Variants in TTC8 observed in about 807,000 individuals in gnomAD.
TTC8 encodes tetratricopeptide repeat protein 8.
TTC8 carries 47 observed loss-of-function variants against 72.5 expected under a neutral mutation model. That is an observed-to-expected ratio of 0.65 (90% CI 0.51 to 0.83). The LOEUF (loss-of-function observed/expected upper bound fraction) is 0.83, where lower values mean the gene tolerates loss of function less well. TTC8 is among the 40% of genes least tolerant of loss of function. The probability of loss-of-function intolerance (pLI) is 0.00; values close to 1 mark genes in which losing one functional copy is unlikely to be tolerated. For synonymous variants in TTC8, 199 were observed against 221.4 expected (o/e 0.90, Z 0.90); for missense variants, 611 against 623.2 (o/e 0.98, Z 0.21).
chr14:88,835,209 C>T (rs1158202433), intron 2 of TTC8, among the ~76,000 whole-genome samples: 1 of 152,190 alleles, frequency 6.6e-6, no homozygotes, highest in East Asian at 1.9e-4. Context: ...AAAATTGTTT[C>T]TTACATGCTT....
At chr14:88,869,994 C>T in intron 10 of TTC8, 65 bp from the exon 11 acceptor site, 2 of 1,550,526 alleles carry the variant, frequency 1.3e-6, no homozygotes, top group Non-Finnish European at 1.8e-6. Context: ...TTAAATCAGT[C>T]AGAAAAAAAT....
At chr14:88,880,314 C>T (rs1213161825), downstream of TTC8, 6 of 152,106 alleles carry the variant, frequency 3.9e-5, no homozygotes, top group African/African-American at 1.4e-4. Context: ...AGATGGCATT[C>T]GTCCTATTTT....
intron 11 of TTC8, 79 bp downstream of exon 11, chr14:88,870,277 T>G: frequency 6.6e-7 from 1 of 1,504,426 alleles, no homozygotes; most frequent in Admixed American, 1.7e-5. Context: ...AATGAAAGTA[T>G]AGAGAAATAA....
chr14:88,855,316 G>T (rs186172223), intron 8 of TTC8, among the ~76,000 whole-genome samples: 2 of 152,114 alleles, frequency 1.3e-5, no homozygotes, highest in Non-Finnish European at 1.5e-5. Context: ...AAATAAGCAC[G>T]CAGTTGACAC....
intron 2 of TTC8, 44 bp from the exon 3 acceptor site, chr14:88,839,408 C>A (rs764337536): frequency 3.1e-6 from 5 of 1,600,490 alleles, no homozygotes; most frequent in Non-Finnish European, 4.3e-6. Context: ...TGTAGTATTT[C>A]TAATGCTATT....
intron 7 of TTC8, among the ~76,000 whole-genome samples, chr14:88,852,679 C>T (rs2094838718): frequency 6.6e-6 from 1 of 152,088 alleles, no homozygotes; most frequent in Non-Finnish European, 1.5e-5. Context: ...AAAACTTAGG[C>T]ATTTTTTAAT....
intron 1 of TTC8, among the ~76,000 whole-genome samples, chr14:88,833,181 A>T (rs1235843099): frequency 1.3e-5 from 2 of 152,204 alleles, no homozygotes; most frequent in African/African-American, 4.8e-5. Context: ...GTAAGTGTAG[A>T]TGTTTTATAA....
chr14:88,861,792 C>T (rs1048261442), intron 10 of TTC8, among the ~76,000 whole-genome samples: 1 of 152,144 alleles, frequency 6.6e-6, no homozygotes, highest in African/African-American at 2.4e-5. Flanking sequence ...CATTTCCATT[C>T]ATGTTCCTAC....
At chr14:88,851,898 T>A (rs2094835600) in intron 7 of TTC8, among the ~76,000 whole-genome samples, 1 of 152,030 alleles carries the variant, frequency 6.6e-6, no homozygotes, top group Non-Finnish European at 1.5e-5. Flanking sequence ...CAAGGAAAAA[T>A]AATTAATTAT....
chr14:88,873,429 A>G (rs1175893397), intron 13 of TTC8, among the ~76,000 whole-genome samples: 1 of 152,204 alleles, frequency 6.6e-6, no homozygotes, highest in Non-Finnish European at 1.5e-5. Context: ...TTTTCTTCAC[A>G]GTATTTACCA....
chr14:88,865,408 A>C lies in TTC8; in HGVS notation c.909+4076A>C, dbSNP rs561004257. On this transcript the variant is annotated intron_variant, in intron 10 of 14. Coordinates refer to ENST00000380656, the MANE Select transcript of TTC8 (RefSeq NM_144596.4). Reference sequence around the variant, plus strand: ...TCATTTTCTGCAGTTGTTTAATTTTATTTTAATCCCAGAACTTTGGGATGC... The same window carrying C: ...TCATTTTCTGCAGTTGTTTAATTTTCTTTTAATCCCAGAACTTTGGGATGC... Among the ~76,000 whole-genome samples the C allele has an allele frequency of 1.6e-4, 24 of 152,320 alleles. No individual in the cohort carries two copies. In the South Asian group the frequency reaches 5.0e-3, roughly 32 times the overall value.
At chr14:88,849,630 T>A (rs901670181) in intron 7 of TTC8, among the ~76,000 whole-genome samples, 1 of 152,142 alleles carries the variant, frequency 6.6e-6, no homozygotes, top group Non-Finnish European at 1.5e-5. Context: ...CTTTTAGTGC[T>A]TTTCTCATGT....
intron 7 of TTC8, among the ~76,000 whole-genome samples, chr14:88,852,567 G>A (rs1269556015): frequency 6.6e-6 from 1 of 152,038 alleles, no homozygotes; most frequent in Non-Finnish European, 1.5e-5. Context: ...TTGAAAGTGG[G>A]CACTGCCACT....
Position 88,845,271 on chromosome 14 carries a change from CT to C in TTC8, c.624+1422del, listed in dbSNP as rs148760420. 5.9e-3 allele frequency among the ~76,000 whole-genome samples: 905 copies of C among 152,156 alleles called. 6 individuals carry two copies. The highest frequency in any genetic ancestry group is 0.021 in the African/African-American group (862 of 41,494). On this transcript the variant is annotated intron_variant, in intron 7 of 14. Coordinates refer to ENST00000380656, the MANE Select transcript of TTC8 (RefSeq NM_144596.4). Reference sequence around the variant, plus strand: ...GGAAAGACAGACAGGTCAAATTTGCCTCCTAGAGATGCTGTGAGAAGAGTGA... The same window carrying C: ...GGAAAGACAGACAGGTCAAATTTGCCCCTAGAGATGCTGTGAGAAGAGTGA...
In TTC8 at chr14:88,853,003, T is replaced by C; in HGVS notation, c.657T>C (p.His219=). 1 of 1,613,580 alleles carries C rather than the reference T, an allele frequency of 6.2e-7. No homozygotes were observed. Residue 219 remains histidine (H), a synonymous_variant, in exon 8 of 15, where the codon CAT becomes CAC. Coordinates refer to ENST00000380656, the MANE Select transcript of TTC8 (RefSeq NM_144596.4). ...ALDLAALSTE[H]SQYKDWWWKV... is the part of the protein sequence containing the mutation. ...ATCTGGCTGCCCTCTCCACAGAACA[T>C]TCTCAGTACAAGGACTGGTGGTGGA...
intron 1 of TTC8, among the ~76,000 whole-genome samples, chr14:88,825,111 C>T (rs554646614): frequency 1.5e-4 from 23 of 152,328 alleles, no homozygotes; most frequent in African/African-American, 5.5e-4. Context: ...CTTTACTTGA[C>T]GAGGAACTTT....
At chr14:88,849,744 C>T (rs757893917) in intron 7 of TTC8, among the ~76,000 whole-genome samples, 1 of 152,062 alleles carries the variant, frequency 6.6e-6, no homozygotes, top group Non-Finnish European at 1.5e-5. Flanking sequence ...CAGAGAACGC[C>T]ATGCAGTGGT....
intron 10 of TTC8, among the ~76,000 whole-genome samples, chr14:88,862,566 ATATATATATAT>A (rs1406178625): frequency 1.8e-5 from 1 of 55,072 alleles, no homozygotes; most frequent in South Asian, 6.1e-4. Flanking sequence ...ATATATATAT[ATATATATATAT>A]ATATATATAT....
intron 1 of TTC8, chr14:88,830,835 C>T (rs769790201): frequency 1.3e-5 from 6 of 455,854 alleles, no homozygotes; most frequent in African/African-American, 2.0e-5. Flanking sequence ...AAGAGTTTTC[C>T]CCTATCTCCT....
Sources: gnomAD v4.1 joint callset for allele counts (sites outside exome capture counted in the v4.1 genomes callset) on GRCh38, gnomAD v4.1.1 for gene constraint, MANE v1.5 for transcripts, NCBI Gene and HGNC (gene_info 2026-07-23, HGNC 2026-07-21) for gene names.